The following RTKN2 variants were observed in gnomAD, a reference collection of about 807,000 sequenced individuals.
The protein encoded by RTKN2 is rhotekin-2.
A neutral mutation model predicts 71.5 loss-of-function variants in RTKN2; 69 were observed. The ratio of observed to expected loss-of-function variants is 0.96; its 90% CI spans 0.79 to 1.18. The LOEUF (loss-of-function observed/expected upper bound fraction) is 1.18, where lower values mean the gene tolerates loss of function less well. Among genes scored for constraint, RTKN2 ranks in the 50% most tolerant of loss-of-function variants. RTKN2 has a pLI of 0.00. For synonymous variants in RTKN2, 236 were observed against 236.5 expected, an observed-to-expected ratio of 1.00 and a Z score of 0.02; for missense variants, 724 against 719.7, an observed-to-expected ratio of 1.01 and a Z score of -0.07.
At chr10:62,235,044 A>G (rs979490844) in intron 6 of RTKN2, among the ~76,000 whole-genome samples, 3 of 152,260 alleles carry the variant, frequency 2.0e-5, no homozygotes, top group African/African-American at 7.2e-5. Context: ...AAAATGTAAA[A>G]AAAGACCACA....
intron 10 of RTKN2, among the ~76,000 whole-genome samples, chr10:62,201,228 C>G (rs868467461): frequency 6.6e-6 from 1 of 152,046 alleles, no homozygotes; most frequent in African/African-American, 2.4e-5. Context: ...ACTAAGGACA[C>G]TTCATGTTTA....
chr10:62,217,605 AAAC>A (rs1481042774), intron 8 of RTKN2, among the ~76,000 whole-genome samples: 1 of 152,214 alleles, frequency 6.6e-6, no homozygotes, highest in East Asian at 1.9e-4. Flanking sequence ...AAAATTATAA[AAAC>A]AATTCTGTAT....
At chr10:62,204,726 A>T (rs1841512601) in intron 10 of RTKN2, 131 bp downstream of exon 10, 1 of 573,328 alleles carries the variant, frequency 1.7e-6, no homozygotes, top group Non-Finnish European at 2.9e-6. Flanking sequence ...TGCATTGATG[A>T]TATACTACCA....
Position 62,195,641 on chromosome 10 carries a change from AGG to A in RTKN2, c.*2265_*2266del. 1.2e-5 allele frequency: 9 copies of A among 724,066 alleles called. No homozygotes were observed. The highest frequency in any genetic ancestry group is 1.5e-5 in the Non-Finnish European group (9 of 593,494). The allele number at this position is 724,066 out of a possible 1,614,324, so 44.9% of individuals were successfully genotyped here. On this transcript the variant is annotated 3_prime_UTR_variant, in exon 12 of 12. Transcript: ENST00000373789. ...AAGGAAGGAAGGAAGGAAGGAAGGA[AGG>A]AAGGAAGGAAGGAAGGAAGGAAGGA...
intron 2 of RTKN2, among the ~76,000 whole-genome samples, chr10:62,258,428 A>C (rs1472008427): frequency 6.6e-6 from 1 of 152,158 alleles, no homozygotes; most frequent in African/African-American, 2.4e-5. Context: ...AAAAGCCCTA[A>C]AGAAATCCAC....
chr10:62,208,292 A>T (rs990988848), intron 9 of RTKN2, among the ~76,000 whole-genome samples: 4 of 152,194 alleles, frequency 2.6e-5, no homozygotes, highest in African/African-American at 9.7e-5. Context: ...ACCATAAAAA[A>T]TGCACCCAGA....
intron 8 of RTKN2, among the ~76,000 whole-genome samples, chr10:62,186,473 G>C (rs1841138515): frequency 6.7e-6 from 1 of 148,290 alleles, no homozygotes; most frequent in South Asian, 2.2e-4. Flanking sequence ...GGAATGAAAA[G>C]GAGATTAAAG....
intron 11 of RTKN2, among the ~76,000 whole-genome samples, chr10:62,199,352 T>G (rs1841393863): frequency 6.6e-6 from 1 of 152,212 alleles, no homozygotes; most frequent in South Asian, 2.1e-4. Context: ...AAAGCTTCCA[T>G]TCATTAGTAT....
At chr10:62,268,238 C>T (rs1352151925) in intron 1 of RTKN2, among the ~76,000 whole-genome samples, 3 of 152,234 alleles carry the variant, frequency 2.0e-5, no homozygotes, top group African/African-American at 7.2e-5. Context: ...CCCGGCATCA[C>T]CTACACCTGC....
At chr10:62,258,245 G>T (rs1319649578) in intron 2 of RTKN2, among the ~76,000 whole-genome samples, 2 of 152,166 alleles carry the variant, frequency 1.3e-5, no homozygotes, top group African/African-American at 2.4e-5. Context: ...TGCATACAAT[G>T]AACTTCTTAG....
intron 2 of RTKN2, among the ~76,000 whole-genome samples, chr10:62,256,690 A>ATGCGTG (rs1332846738): frequency 2.0e-5 from 3 of 151,592 alleles, no homozygotes; most frequent in Non-Finnish European, 4.4e-5. Context: ...GTATTTGTGT[A>ATGCGTG]TGCGTGTGTG....
intron 2 of RTKN2, among the ~76,000 whole-genome samples, chr10:62,251,376 A>G (rs1013866550): frequency 2.0e-5 from 3 of 152,204 alleles, no homozygotes; most frequent in Admixed American, 6.5e-5. Context: ...AGGAAAAAAC[A>G]TAGTGTGCAT....
chr10:62,184,132 C>T, exon 9 of RTKN2: 2 of 491,432 alleles, frequency 4.1e-6, no homozygotes, highest in East Asian at 3.4e-5. Context: ...GACAGCTCTA[C>T]AAAATGTTTA....
chr10:62,258,159 G>C (rs748800665), intron 2 of RTKN2, among the ~76,000 whole-genome samples: 4 of 152,150 alleles, frequency 2.6e-5, no homozygotes, highest in Non-Finnish European at 5.9e-5. Context: ...CTCATCTAAA[G>C]CAGAGTAACC....
At chr10:62,243,542 T>C (rs560813081) in intron 3 of RTKN2, among the ~76,000 whole-genome samples, 2 of 152,224 alleles carry the variant, frequency 1.3e-5, no homozygotes, top group South Asian at 2.1e-4. Flanking sequence ...ACCCACAACC[T>C]GTGGGTCAGC....
intron 10 of RTKN2, among the ~76,000 whole-genome samples, chr10:62,200,453 A>G (rs775043550): frequency 6.6e-6 from 1 of 151,958 alleles, no homozygotes; most frequent in Non-Finnish European, 1.5e-5. Context: ...ATTAAATACT[A>G]TCCTATTTCA....
intron 7 of RTKN2, among the ~76,000 whole-genome samples, chr10:62,220,982 C>T (rs1402560394): frequency 6.6e-6 from 1 of 151,684 alleles, no homozygotes; most frequent in Non-Finnish European, 1.5e-5. Context: ...ACAAAAAGAA[C>T]AAGAAGTCTG....
chr10:62,185,265 A>C (rs1472056642), intron 8 of RTKN2, among the ~76,000 whole-genome samples: 1 of 151,898 alleles, frequency 6.6e-6, no homozygotes, highest in Non-Finnish European at 1.5e-5. Context: ...TCAGGCACCA[A>C]GTCAGTCCCA....
At chr10:62,250,251 AG>A (rs1842554889) in intron 2 of RTKN2, among the ~76,000 whole-genome samples, 1 of 152,220 alleles carries the variant, frequency 6.6e-6, no homozygotes, top group Non-Finnish European at 1.5e-5. Flanking sequence ...GGTAAAAGAA[AG>A]GGCTCCAAAA....
Sources: allele counts gnomAD v4.1 joint callset (sites outside exome capture counted in the v4.1 genomes callset), GRCh38; gene constraint gnomAD v4.1.1; transcripts MANE v1.5; gene names NCBI Gene and HGNC (gene_info 2026-07-23, HGNC 2026-07-21).